AGBL1: variants seen among roughly 807,000 people sequenced by gnomAD.
AGBL1 encodes the protein AGBL carboxypeptidase 1.
A neutral mutation model predicts 118.9 loss-of-function variants in AGBL1; 130 were observed. The observed-to-expected ratio is 1.09, with a 90% CI of 0.95 to 1.26. AGBL1 has a LOEUF of 1.26. Ranked by LOEUF, AGBL1 falls within the 50% of genes most tolerant of loss-of-function variation. AGBL1 has a pLI of 0.00. For synonymous variants in AGBL1, 555 were observed against 478.9 expected (o/e 1.16, Z -2.08); for missense variants, 1,584 against 1,298.1 (o/e 1.22, Z -3.38).
chr15:86,311,429 A>G (rs2079919765), intron 17 of AGBL1, among the ~76,000 whole-genome samples: 1 of 152,216 alleles, frequency 6.6e-6, no homozygotes, highest in Non-Finnish European at 1.5e-5. Context: ...GAAATAGCAT[A>G]TCTGCTATTC....
At chr15:86,927,903 T>G (rs1351692781) in intron 23 of AGBL1, among the ~76,000 whole-genome samples, 1 of 151,178 alleles carries the variant, frequency 6.6e-6, no homozygotes, top group Non-Finnish European at 1.5e-5. Flanking sequence ...AGCAGCTACT[T>G]CAAGGACAGC....
chr15:86,786,763 A>T (rs1254093628), intron 22 of AGBL1, among the ~76,000 whole-genome samples: 1 of 152,174 alleles, frequency 6.6e-6, no homozygotes, highest in Non-Finnish European at 1.5e-5. Context: ...CTACATGTAG[A>T]TCTAGCCCTT....
chr15:86,957,301 C>A (rs1426925019), intron 23 of AGBL1, among the ~76,000 whole-genome samples: 1 of 151,986 alleles, frequency 6.6e-6, no homozygotes, highest in Non-Finnish European at 1.5e-5. Flanking sequence ...TGAGTTCAGC[C>A]ATTTCCTCTA....
chr15:86,522,395 G>A (rs1446509169), intron 18 of AGBL1, among the ~76,000 whole-genome samples: 2 of 152,156 alleles, frequency 1.3e-5, no homozygotes, highest in Non-Finnish European at 2.9e-5. Context: ...ACCTTGCAGA[G>A]TTATTGAACC....
chr15:86,761,358 C>T (rs995404648), intron 22 of AGBL1, among the ~76,000 whole-genome samples: 2 of 152,062 alleles, frequency 1.3e-5, no homozygotes, highest in African/African-American at 2.4e-5. Context: ...AAACCTAGTG[C>T]TAGTGATTGT....
intron 22 of AGBL1, among the ~76,000 whole-genome samples, chr15:86,763,885 T>C (rs1166292128): frequency 6.6e-6 from 1 of 152,060 alleles, no homozygotes; most frequent in Non-Finnish European, 1.5e-5. Flanking sequence ...GTTGAGCTTA[T>C]TGTAAAGAGA....
intron 22 of AGBL1, among the ~76,000 whole-genome samples, chr15:86,898,192 T>C (rs1161422700): frequency 6.6e-6 from 1 of 152,118 alleles, no homozygotes; most frequent in African/African-American, 2.4e-5. Flanking sequence ...TTTTGGGAAA[T>C]TTAGTATTTT....
At chr15:86,597,132 T>C (rs968608496) in intron 21 of AGBL1, among the ~76,000 whole-genome samples, 1 of 147,504 alleles carries the variant, frequency 6.8e-6, no homozygotes, top group Non-Finnish European at 1.5e-5. Flanking sequence ...AATCTACCTA[T>C]ATCCATCCAT....
intron 6 of AGBL1, among the ~76,000 whole-genome samples, chr15:86,238,867 C>T (rs1263146588): frequency 6.6e-6 from 1 of 152,008 alleles, no homozygotes; most frequent in African/African-American, 2.4e-5. Context: ...GTTGTCCAGG[C>T]TGGTCTTGAA....
chr15:86,987,981 T>G (rs2081300834), intron 23 of AGBL1: 3 of 1,612,948 alleles, frequency 1.9e-6, no homozygotes, highest in Non-Finnish European at 2.5e-6. Context: ...TATCTGAACA[T>G]TACAGATTAA....
At position 86,860,505 on chromosome 15, in the gene AGBL1, A is replaced by AT. The variant is rs1377009609; in HGVS notation, c.3159-46582_3159-46581insT. 4.6e-5 allele frequency among the ~76,000 whole-genome samples: 7 copies of AT among 152,200 alleles called. No individual in the cohort carries two copies. The East Asian group carries it at 1.4e-3, about 29-fold the overall frequency. ...ACCAGCTGAGAAGTGAGAAAGAGTT[A>AT]ACTGCAGTCATAAAGCACAGAGGCT... On this transcript the variant is annotated intron_variant, in intron 22 of 22. Transcript: ENST00000614907.
chr15:86,105,132 T>G (rs1278308785), intron 1 of AGBL1: 1 of 152,220 alleles, frequency 6.6e-6, no homozygotes, highest in Non-Finnish European at 1.5e-5. Flanking sequence ...ATACTTGCTA[T>G]TTTGGTTCTT....
intron 1 of AGBL1, among the ~76,000 whole-genome samples, chr15:86,086,589 A>C (rs1177198260): frequency 6.6e-6 from 1 of 152,158 alleles, no homozygotes; most frequent in East Asian, 1.9e-4. Context: ...GTATGTGCTC[A>C]ATATGTCTCC....
At chr15:86,656,880 G>A (rs977344872) in intron 21 of AGBL1, among the ~76,000 whole-genome samples, 3 of 152,128 alleles carry the variant, frequency 2.0e-5, no homozygotes, top group African/African-American at 7.2e-5. Flanking sequence ...TCCACTGGAG[G>A]TTTGAAATGC....
At chr15:86,857,664 A>T (rs1177361066) in intron 22 of AGBL1, among the ~76,000 whole-genome samples, 8 of 152,166 alleles carry the variant, frequency 5.3e-5, no homozygotes, top group Admixed American at 5.2e-4. Context: ...CTGTTTTTAT[A>T]TACTCATGTG....
At chr15:86,451,692 A>G (rs557332574) in intron 18 of AGBL1, among the ~76,000 whole-genome samples, 2 of 152,186 alleles carry the variant, frequency 1.3e-5, no homozygotes, top group Admixed American at 6.5e-5. Context: ...TCCATTTTCC[A>G]TTACCTACCA....
intron 17 of AGBL1, among the ~76,000 whole-genome samples, chr15:86,306,398 G>C (rs577391741): frequency 1.3e-5 from 2 of 152,212 alleles, no homozygotes; most frequent in South Asian, 4.1e-4. Flanking sequence ...CCACAATTAA[G>C]TGAGAACATG....
At chr15:86,922,448 G>A (rs2080490712) in intron 23 of AGBL1, among the ~76,000 whole-genome samples, 2 of 152,240 alleles carry the variant, frequency 1.3e-5, no homozygotes, top group South Asian at 2.1e-4. Flanking sequence ...GTGCCACCAT[G>A]CCCAGCTAAT....
chr15:86,986,170 C>T (rs747557785), intron 23 of AGBL1, among the ~76,000 whole-genome samples: 12 of 152,142 alleles, frequency 7.9e-5, no homozygotes, highest in Admixed American at 5.9e-4. Flanking sequence ...GTGATCCACC[C>T]GCCTCGGCCT....
Sources: allele counts gnomAD v4.1 joint callset (sites outside exome capture counted in the v4.1 genomes callset), GRCh38; gene constraint gnomAD v4.1.1; transcripts MANE v1.5; gene names NCBI Gene and HGNC (gene_info 2026-07-23, HGNC 2026-07-21).